Variants in ZNF831 observed in about 807,000 individuals in gnomAD.
ZNF831 encodes zinc finger protein 831.
A neutral mutation model predicts 95.8 loss-of-function variants in ZNF831; 59 were observed. The observed-to-expected ratio is 0.62, with a 90% CI of 0.50 to 0.77. The LOEUF (loss-of-function observed/expected upper bound fraction) is 0.77, where lower values mean the gene tolerates loss of function less well. Ranked by LOEUF, ZNF831 falls within the 30% of genes least tolerant of loss-of-function variation. The pLI is 0.00. For missense variants in ZNF831, 2,205 were observed against 2,164.0 expected, an observed-to-expected ratio of 1.02 and a Z score of -0.38; for synonymous variants, 961 against 925.5, an observed-to-expected ratio of 1.04 and a Z score of -0.70.
At chr20:59,206,466 T>C (rs1984899979) in intron 3 of ZNF831, among the ~76,000 whole-genome samples, 1 of 152,234 alleles carries the variant, frequency 6.6e-6, no homozygotes, top group South Asian at 2.1e-4. Context: ...ACTCAGTTTC[T>C]CAGACACACT....
At chr20:59,129,884 C>T (rs1156456328) in intron 1 of ZNF831, among the ~76,000 whole-genome samples, 1 of 152,230 alleles carries the variant, frequency 6.6e-6, no homozygotes, top group Non-Finnish European at 1.5e-5. Flanking sequence ...CTCCTTCTGG[C>T]TGAGTAGAAC....
At position 59,191,408 on chromosome 20, in the gene ZNF831, C is replaced by T. The variant is rs2146547359; in HGVS notation, c.389C>T (p.Pro130Leu). ...CCTGTCCTGTCGCCGGGCCTGGGCCCCACGCTGGGCAGCCCAGGCAAGGTG... is the reference window on the plus strand; with the variant it reads ...CCTGTCCTGTCGCCGGGCCTGGGCCTCACGCTGGGCAGCCCAGGCAAGGTG... The part of the protein sequence containing the change: ...TLPVLSPGLG[P>L]TLGSPGKVRN... The change falls in exon 2 of 6, where the codon CCC (proline) becomes CTC (leucine). Residue 130 changes from proline (P) to leucine (L), a missense_variant. Transcript: ENST00000371030. 2 of 1,611,100 alleles carry T rather than the reference C, an allele frequency of 1.2e-6. No homozygotes were observed. The highest frequency in any genetic ancestry group is 1.7e-6 in the Non-Finnish European group (2 of 1,179,062).
intron 1 of ZNF831, among the ~76,000 whole-genome samples, chr20:59,181,817 C>T (rs566458316): frequency 6.6e-6 from 1 of 151,066 alleles, no homozygotes; most frequent in East Asian, 1.9e-4. Context: ...TCACTGGTAG[C>T]TTGATGGGAA....
chr20:59,222,133 C>T (rs1233737616), intron 4 of ZNF831, among the ~76,000 whole-genome samples: 6 of 152,236 alleles, frequency 3.9e-5, no homozygotes, highest in Admixed American at 3.9e-4. Flanking sequence ...TCTTTTTAAC[C>T]CCTACTCAGG....
At chr20:59,133,549 G>A (rs530133647) in intron 1 of ZNF831, among the ~76,000 whole-genome samples, 17 of 152,302 alleles carry the variant, frequency 1.1e-4, no homozygotes, top group African/African-American at 2.4e-4. Flanking sequence ...AAGTGGCCCC[G>A]TGTGTGCCTC....
intron 4 of ZNF831, among the ~76,000 whole-genome samples, chr20:59,245,380 G>T (rs376029748): frequency 3.3e-5 from 5 of 152,184 alleles, no homozygotes; most frequent in African/African-American, 1.2e-4. Flanking sequence ...CGCCCCTGGG[G>T]CCTGGGCTTG....
intron 1 of ZNF831, chr20:59,146,118 C>T (rs912677578): frequency 6.6e-6 from 1 of 152,220 alleles, no homozygotes; most frequent in East Asian, 1.9e-4. Flanking sequence ...CGAGCCCACA[C>T]CAGGGCAGGC....
intron 4 of ZNF831, among the ~76,000 whole-genome samples, chr20:59,221,917 C>T (rs1601416863): frequency 1.3e-5 from 2 of 152,194 alleles, no homozygotes; most frequent in Non-Finnish European, 2.9e-5. Context: ...TCGTTAAGCA[C>T]CCCCGGGTGC....
At chr20:59,147,295 A>G (rs1159854006) in intron 2 of ZNF831, among the ~76,000 whole-genome samples, 4 of 152,268 alleles carry the variant, frequency 2.6e-5, no homozygotes, top group Non-Finnish European at 5.9e-5. Flanking sequence ...TGTCACAGGC[A>G]TGTTCCATGC....
At chr20:59,172,189 A>G (rs927812189) in intron 1 of ZNF831, among the ~76,000 whole-genome samples, 2 of 152,206 alleles carry the variant, frequency 1.3e-5, no homozygotes, top group Non-Finnish European at 2.9e-5. Context: ...ATATCATAGT[A>G]GACTGACTGG....
Position 59,254,845 on chromosome 20 carries a change from C to G in ZNF831, c.*102C>G, listed in dbSNP as rs2146775474. 6.9e-7 allele frequency: 1 copy of G among 1,456,744 alleles called. No homozygotes were observed. Among genetic ancestry groups the G allele is most frequent in the African/African-American group, 1.4e-5 (1 of 70,464 alleles). The allele number at this position is 1,456,744 out of a possible 1,614,324, so 90.2% of individuals were successfully genotyped here. On this transcript the variant is annotated 3_prime_UTR_variant, in exon 6 of 6. Transcript: ENST00000371030. This position sits in a 1 kb window ranked among gnomAD's most constrained non-coding sequence, Gnocchi z 4.5. ...GAACTAAACTCTATCTGTGAAACAC[C>G]TACAGATTAGGAAAGCCATTTTGAG... is the stretch of plus-strand genomic sequence containing the variant.
At chr20:59,196,440 C>T (rs1450202526) in intron 3 of ZNF831, among the ~76,000 whole-genome samples, 1 of 152,174 alleles carries the variant, frequency 6.6e-6, no homozygotes, top group Non-Finnish European at 1.5e-5. Context: ...GGAGTGTGCC[C>T]TTCTAGACTT....
chr20:59,173,702 AC>A (rs1981926130), intron 1 of ZNF831, among the ~76,000 whole-genome samples: 1 of 152,194 alleles, frequency 6.6e-6, no homozygotes, highest in African/African-American at 2.4e-5. Flanking sequence ...CAAAAGCACA[AC>A]CACACTAGTC....
At chr20:59,171,142 G>T (rs901211728) in intron 1 of ZNF831, among the ~76,000 whole-genome samples, 1 of 152,150 alleles carries the variant, frequency 6.6e-6, no homozygotes, top group Non-Finnish European at 1.5e-5. Flanking sequence ...GAGTCCTGGG[G>T]CCTGTGGCTG....
In ZNF831 at chr20:59,157,843, A is replaced by T. The variant is rs530897291; in HGVS notation, c.-1280-1809A>T. 5.3e-5 allele frequency among the ~76,000 whole-genome samples: 8 copies of T among 152,282 alleles called. No homozygotes were observed. The East Asian group carries it at 1.5e-3, about 29-fold the overall frequency. ...ATTTTGTTCCCCATCTGGGCCAGTA[A>T]ACTCTTCCCTTTAAAAAAACAAATA... On this transcript the variant is annotated intron_variant, in intron 2 of 7. Transcript: ENST00000637017.
chr20:59,138,708 C>G (rs1423463981), intron 1 of ZNF831, among the ~76,000 whole-genome samples: 2 of 152,220 alleles, frequency 1.3e-5, no homozygotes, highest in Admixed American at 6.5e-5. Flanking sequence ...TTTCCTTTGC[C>G]ATGGCAACTG....
chr20:59,167,978 C>A (rs1308083650), intron 1 of ZNF831, among the ~76,000 whole-genome samples: 3 of 151,980 alleles, frequency 2.0e-5, no homozygotes, highest in Non-Finnish European at 4.4e-5. Context: ...ACAATACAGT[C>A]TTGATTACTT....
chr20:59,205,079 C>A (rs1984795223), intron 3 of ZNF831, among the ~76,000 whole-genome samples: 1 of 152,062 alleles, frequency 6.6e-6, no homozygotes, highest in Admixed American at 6.5e-5. Context: ...GAGAAAGACC[C>A]CCGCTTGCTA....
At chr20:59,252,007 G>A (rs1318755246) in intron 4 of ZNF831, among the ~76,000 whole-genome samples, 1 of 152,164 alleles carries the variant, frequency 6.6e-6, no homozygotes, top group Non-Finnish European at 1.5e-5. Context: ...TGTGTGGGGG[G>A]TCATGAAGTT....
Sources: allele counts gnomAD v4.1 joint callset (sites outside exome capture counted in the v4.1 genomes callset), GRCh38; gene constraint gnomAD v4.1.1; non-coding constraint Gnocchi (gnomAD v3.1); transcripts MANE v1.5; gene names NCBI Gene and HGNC (gene_info 2026-07-23, HGNC 2026-07-21).